Variants in HEATR4 observed in about 807,000 individuals in gnomAD.
HEATR4 encodes HEAT repeat containing 4.
HEATR4 carries 95 observed loss-of-function variants against 108.8 expected under a neutral mutation model. The observed-to-expected ratio is 0.87, with a 90% CI of 0.74 to 1.04. HEATR4 has a LOEUF of 1.04. HEATR4 is among the 50% of genes least tolerant of loss of function. The probability of loss-of-function intolerance (pLI) is 0.00; values close to 1 mark genes in which losing one functional copy is unlikely to be tolerated. For missense variants in HEATR4, 1,152 were observed against 1,253.8 expected (o/e 0.92, Z 1.23); for synonymous variants, 443 against 459.4 (o/e 0.96, Z 0.46).
At chr14:73,606,173 A>G in the HEATR4 span, among the ~76,000 whole-genome samples, 2 of 152,074 alleles carry the variant, frequency 1.3e-5, no homozygotes, top group Admixed American at 6.6e-5. Flanking sequence ...CCTGACCAAC[A>G]TGGAGAAAAC....
At chr14:73,619,808 G>A in the HEATR4 span, 1 of 1,607,474 alleles carries the variant, frequency 6.2e-7, no homozygotes, top group Non-Finnish European at 8.5e-7. Flanking sequence ...CATCTCAATG[G>A]TAAAAAATCT....
intron 4 of HEATR4, 87 bp downstream of exon 4, chr14:73,520,765 C>G: frequency 1.6e-6 from 2 of 1,278,200 alleles, no homozygotes; most frequent in Non-Finnish European, 1.1e-6. Context: ...TTGTCCATAC[C>G]CACAACTGTT....
chr14:73,558,120 C>T (rs892865053), intron 1 of HEATR4, among the ~76,000 whole-genome samples: 2 of 119,846 alleles, frequency 1.7e-5, no homozygotes, highest in African/African-American at 6.2e-5. Context: ...AAAGAAAGCA[C>T]AGCCCAAAGG....
upstream of HEATR4, among the ~76,000 whole-genome samples, chr14:73,562,807 C>T (rs1889548971): frequency 1.3e-5 from 2 of 152,064 alleles, no homozygotes; most frequent in Middle Eastern, 3.4e-3. Context: ...CAGACTGGTT[C>T]TCTGCTCTCC....
intron 1 of HEATR4, among the ~76,000 whole-genome samples, chr14:73,534,069 A>G: frequency 9.1e-6 from 1 of 110,328 alleles, no homozygotes; most frequent in South Asian, 2.9e-4. Flanking sequence ...GTGACAGAGC[A>G]AGACCTAGTC....
At chr14:73,504,701 C>A (rs560506695) in intron 10 of HEATR4, among the ~76,000 whole-genome samples, 1 of 152,236 alleles carries the variant, frequency 6.6e-6, no homozygotes, top group East Asian at 1.9e-4. Flanking sequence ...CTTCCCATAT[C>A]AAAATGTCAG....
chr14:73,569,971 C>CA, the HEATR4 span: 1 of 1,395,386 alleles, frequency 7.2e-7, no homozygotes, highest in Non-Finnish European at 9.3e-7. Flanking sequence ...TATGTGTATG[C>CA]CCCCCCGCCG....
Position 73,537,901 on chromosome 14 carries a change from T to C in HEATR4, c.-151-7657A>G. On this transcript the variant is annotated intron_variant, in intron 1 of 17. Coordinates refer to ENST00000553558, the MANE Select transcript of HEATR4 (RefSeq NM_001220484.1). ...CAGGTGACTCACCTCCGCTAATTGT[T>C]CCCCTCTGCCCATCCCTGTTCCTGC... is the stretch of plus-strand genomic sequence containing the variant. 2 of 1,173,870 alleles carry C rather than the reference T, an allele frequency of 1.7e-6. 1 individual carries two copies. Among genetic ancestry groups the C allele is most frequent in the Non-Finnish European group, 2.2e-6 (2 of 908,112 alleles). 72.7% of individuals were successfully genotyped at this position (1,173,870 alleles called of 1,614,324 possible).
chr14:73,630,871 T>C, the HEATR4 span, among the ~76,000 whole-genome samples: 1 of 152,124 alleles, frequency 6.6e-6, no homozygotes. Context: ...AAAGAAAAAC[T>C]TTCCCTTCTG....
chr14:73,586,194 G>A, the HEATR4 span, among the ~76,000 whole-genome samples: 3 of 151,678 alleles, frequency 2.0e-5, no homozygotes, highest in African/African-American at 7.3e-5. Flanking sequence ...GGGAGTTCAA[G>A]ACCAGCCTGA....
the HEATR4 span, among the ~76,000 whole-genome samples, chr14:73,622,072 T>C: frequency 6.6e-6 from 1 of 152,090 alleles, no homozygotes; most frequent in South Asian, 2.1e-4. Flanking sequence ...CTGTGTAGTA[T>C]AATTTTCTAT....
At chr14:73,504,952 G>A (rs1216332992) in intron 10 of HEATR4, among the ~76,000 whole-genome samples, 1 of 151,410 alleles carries the variant, frequency 6.6e-6, no homozygotes, top group Non-Finnish European at 1.5e-5. Context: ...TTTTTTTTTA[G>A]ATGGAGTCTC....
At chr14:73,551,785 G>C (rs1306456615) in intron 1 of HEATR4, among the ~76,000 whole-genome samples, 1 of 107,150 alleles carries the variant, frequency 9.3e-6, no homozygotes, top group African/African-American at 3.1e-5. Context: ...CTCCAGCCTG[G>C]GCAACAAGAG....
intron 1 of HEATR4, chr14:73,537,598 G>C (rs752546604): frequency 4.1e-6 from 5 of 1,222,592 alleles, no homozygotes; most frequent in Non-Finnish European, 5.4e-6. Flanking sequence ...CCCTTGGCGA[G>C]CTGGACCTGG....
chr14:73,594,905 A>G, the HEATR4 span: 20 of 921,446 alleles, frequency 2.2e-5, no homozygotes, highest in Admixed American at 2.8e-4. Context: ...GGGTTCTGCC[A>G]TGTTGGCCAG....
the HEATR4 span, among the ~76,000 whole-genome samples, chr14:73,599,181 C>A: frequency 6.6e-6 from 1 of 151,958 alleles, no homozygotes; most frequent in African/African-American, 2.4e-5. Flanking sequence ...ACCTCCAGAT[C>A]ATCCTAGCCC....
intron 4 of HEATR4, among the ~76,000 whole-genome samples, chr14:73,519,736 G>A (rs550193076): frequency 9.9e-5 from 15 of 151,992 alleles, no homozygotes; most frequent in African/African-American, 2.7e-4. Context: ...GAAAAGAACC[G>A]GCTGGGCACC....
At chr14:73,622,061 C>A in the HEATR4 span, among the ~76,000 whole-genome samples, 5 of 152,122 alleles carry the variant, frequency 3.3e-5, no homozygotes, top group Non-Finnish European at 4.4e-5. Context: ...CTGCGCCTGG[C>A]CTGTGTAGTA....
intron 17 of HEATR4, chr14:73,491,508 C>T (rs1019147490): frequency 4.0e-6 from 6 of 1,511,646 alleles, no homozygotes; most frequent in South Asian, 1.2e-5. Flanking sequence ...TCCGGGGCCC[C>T]TGCGACGGCG....
Sources: gnomAD v4.1 joint callset for allele counts (sites outside exome capture counted in the v4.1 genomes callset) on GRCh38, gnomAD v4.1.1 for gene constraint, MANE v1.5 for transcripts, NCBI Gene and HGNC (gene_info 2026-07-23, HGNC 2026-07-21) for gene names.